ZCRB1: variants seen among roughly 807,000 people sequenced by gnomAD.
ZCRB1 encodes the protein zinc finger CCHC-type and RNA-binding motif-containing protein 1.
ZCRB1 carries 21 observed loss-of-function variants against 29.9 expected under a neutral mutation model. That is an observed-to-expected ratio of 0.70 (90% CI 0.50 to 1.01). The LOEUF is 1.01. Ranked by LOEUF, ZCRB1 falls within the 50% of genes least tolerant of loss-of-function variation. ZCRB1 has a pLI of 0.00. For missense variants in ZCRB1, 204 were observed against 253.3 expected (o/e 0.81, Z 1.32); for synonymous variants, 77 against 80.0 (o/e 0.96, Z 0.20).
At chr12:42,321,564 C>A (rs977291599) in intron 3 of ZCRB1, among the ~76,000 whole-genome samples, 2 of 152,168 alleles carry the variant, frequency 1.3e-5, no homozygotes, top group African/African-American at 4.8e-5. Context: ...TTTTTAAAAT[C>A]TGAACACCCA....
intron 3 of ZCRB1, among the ~76,000 whole-genome samples, chr12:42,322,038 T>C (rs1232627775): frequency 5.9e-5 from 9 of 152,188 alleles, no homozygotes; most frequent in Middle Eastern, 3.4e-3. Flanking sequence ...ACTATTTATA[T>C]GAAAAAAAAC....
At chr12:42,321,811 A>G (rs1261616642) in intron 3 of ZCRB1, among the ~76,000 whole-genome samples, 9 of 152,118 alleles carry the variant, frequency 5.9e-5, no homozygotes, top group Non-Finnish European at 1.2e-4. Flanking sequence ...TTTTTGCCCC[A>G]TAATATAGTT....
At chr12:42,321,231 G>A (rs1283175517) in intron 3 of ZCRB1, among the ~76,000 whole-genome samples, 1 of 152,078 alleles carries the variant, frequency 6.6e-6, no homozygotes, top group East Asian at 1.9e-4. Context: ...CATGGTTTAG[G>A]ACTATATATT....
chr12:42,318,754 G>A (rs781012772), intron 3 of ZCRB1, among the ~76,000 whole-genome samples: 9 of 152,158 alleles, frequency 5.9e-5, no homozygotes, highest in Non-Finnish European at 8.8e-5. Flanking sequence ...GTGCGTGAGC[G>A]AGTGAGAGAG....
intron 5 of ZCRB1, among the ~76,000 whole-genome samples, chr12:42,317,014 C>T (rs1179721929): frequency 6.6e-6 from 1 of 152,020 alleles, no homozygotes; most frequent in African/African-American, 2.4e-5. Flanking sequence ...TGAGATTGGC[C>T]TGGGCAACAT....
intron 5 of ZCRB1, among the ~76,000 whole-genome samples, chr12:42,314,336 G>A (rs901738268): frequency 7.1e-6 from 1 of 140,898 alleles, no homozygotes; most frequent in Non-Finnish European, 1.5e-5. Context: ...GAGGTGGGTG[G>A]ATCACCTGAG....
chr12:42,324,602 A>G (rs1284249784), intron 1 of ZCRB1, among the ~76,000 whole-genome samples: 5 of 152,266 alleles, frequency 3.3e-5, no homozygotes, highest in African/African-American at 9.6e-5. Flanking sequence ...TTAGGAAGTT[A>G]GGAACAATGA....
chr12:42,322,208 GAA>G (rs2068625144), intron 3 of ZCRB1, among the ~76,000 whole-genome samples: 1 of 150,118 alleles, frequency 6.7e-6, no homozygotes, highest in Admixed American at 6.7e-5. Context: ...AAAAAGAAAA[GAA>G]AATTGTATGT....
chr12:42,313,716 T>C lies in ZCRB1; in HGVS notation c.496A>G (p.Ser166Gly). The C allele has an allele frequency of 6.2e-7, 1 of 1,613,968 alleles. No individual in the cohort carries two copies. The highest frequency in any genetic ancestry group is 8.5e-7 in the Non-Finnish European group (1 of 1,179,940). Residue 166 changes from serine to glycine, a missense_variant, in exon 7 of 8, where the codon AGC becomes GGC. Physicochemically the swap from Ser to Gly is moderately conservative, Grantham distance 56. Coordinates refer to ENST00000266529, the MANE Select transcript of ZCRB1 (RefSeq NM_033114.4). ...EDEGEDPALD[S>G]LSQAIAFQQA... Reference sequence around the variant, plus strand: ...TGGAATGCTATGGCCTGACTGAGGCTGTCAAGAGCAGGATCCTCCCCTTCA... The same window carrying C: ...TGGAATGCTATGGCCTGACTGAGGCCGTCAAGAGCAGGATCCTCCCCTTCA...
intron 5 of ZCRB1, among the ~76,000 whole-genome samples, chr12:42,315,522 A>T (rs1316335559): frequency 6.6e-6 from 1 of 152,218 alleles, no homozygotes. Context: ...GCAAAAAAAA[A>T]TTAACATATC....
intron 2 of ZCRB1, among the ~76,000 whole-genome samples, chr12:42,322,889 G>T (rs1671764402): frequency 6.6e-6 from 1 of 152,076 alleles, no homozygotes; most frequent in Non-Finnish European, 1.5e-5. Flanking sequence ...TGTTTGAGAA[G>T]GCAAATCCTT....
chr12:42,320,984 CTTCT>C lies in ZCRB1; in HGVS notation c.113+1430_113+1433del, dbSNP rs776574648. Reference sequence around the variant, plus strand: ...CTCACTCATCTCCAGTCACATTGGCCTTCTTTCTATTTCTTGATCTCACTTTATT... The same window carrying C: ...CTCACTCATCTCCAGTCACATTGGCCTTCTATTTCTTGATCTCACTTTATT... On this transcript the variant is annotated intron_variant, in intron 3 of 7. Coordinates refer to ENST00000266529, the MANE Select transcript of ZCRB1 (RefSeq NM_033114.4). Among the ~76,000 whole-genome samples the C allele has an allele frequency of 5.9e-5, 9 of 152,226 alleles. No individual in the cohort carries two copies. In the South Asian group the frequency reaches 6.2e-4, roughly 11 times the overall value.
rs1176047630 is a variant in ZCRB1, at chr12:42,312,176, AC to A, written c.*890del. On this transcript the variant is annotated 3_prime_UTR_variant, in exon 8 of 8. Transcript: ENST00000266529. ...GTATTAACTTATTTCTATTGCTTTT[AC>A]TAGTTAAAAAAGTAATGGGCATTCT... The A allele has an allele frequency of 1.3e-5, 2 of 152,126 alleles. No individual in the cohort carries two copies. The highest frequency in any genetic ancestry group is 2.9e-5 in the Non-Finnish European group (2 of 68,022). The allele number at this position is 152,126 out of a possible 1,614,324, so 9.4% of individuals were successfully genotyped here. A position where few individuals can be genotyped will look rare whatever the true frequency, so the allele number is the denominator to read the frequency against.
In ZCRB1 at chr12:42,323,965, T is replaced by G. The variant is rs60061084; in HGVS notation, c.84+54A>C. 2.4e-3 allele frequency: 3,450 copies of G among 1,465,230 alleles called. 68 individuals carry two copies. The African/African-American group carries it at 0.043, about 18-fold the overall frequency. 90.8% of individuals were successfully genotyped at this position (1,465,230 alleles called of 1,614,324 possible). On this transcript the variant is annotated intron_variant, in intron 2 of 7. Transcript: ENST00000266529. Reference sequence around the variant, plus strand: ...AAAAGAATTTGCCAGGGAGAACTATTTGCTTAAGGTTATCTGTATCTCAAA... The same window carrying G: ...AAAAGAATTTGCCAGGGAGAACTATGTGCTTAAGGTTATCTGTATCTCAAA...
chr12:42,322,175 G>A (rs2068624905), intron 3 of ZCRB1, among the ~76,000 whole-genome samples: 1 of 152,088 alleles, frequency 6.6e-6, no homozygotes, highest in South Asian at 2.1e-4. Context: ...CACATGGAAA[G>A]ACATTTATGG....
intron 2 of ZCRB1, among the ~76,000 whole-genome samples, chr12:42,323,150 C>G (rs2068629765): frequency 6.6e-6 from 1 of 152,138 alleles, no homozygotes. Context: ...GTATATGCAA[C>G]CAATAATAAC....
Position 42,313,148 on chromosome 12 carries a change from G to T in ZCRB1, c.573C>A (p.Val191=), listed in dbSNP as rs1305759092. The T allele has an allele frequency of 6.2e-7, 1 of 1,612,020 alleles. No individual in the cohort carries two copies. The highest frequency in any genetic ancestry group is 1.3e-5 in the African/African-American group (1 of 74,936). Residue 191 remains valine (V), a synonymous_variant, in exon 8 of 8, where the codon GTC becomes GTA. Coordinates refer to ENST00000266529, the MANE Select transcript of ZCRB1 (RefSeq NM_033114.4). The part of the protein sequence containing the change: ...EQKKWKPSSG[V]PSTSDDSRRP... ...GTCTTGAATCATCTGATGTTGAGGG[G>T]ACTCCTGAACTGGGTTTCCATTTTT...
intron 5 of ZCRB1, among the ~76,000 whole-genome samples, chr12:42,315,933 C>T (rs1330479268): frequency 1.3e-5 from 2 of 152,008 alleles, no homozygotes; most frequent in African/African-American, 4.8e-5. Context: ...ATTTAGTTAT[C>T]TTTTTTGTCG....
intron 3 of ZCRB1, among the ~76,000 whole-genome samples, chr12:42,318,609 C>T (rs539726372): frequency 8.4e-4 from 128 of 152,268 alleles, no homozygotes; most frequent in African/African-American, 2.7e-3. Flanking sequence ...CCTTGCCCAC[C>T]GTATGTCATT....
Sources: gnomAD v4.1 joint callset for allele counts (sites outside exome capture counted in the v4.1 genomes callset) on GRCh38, gnomAD v4.1.1 for gene constraint, MANE v1.5 for transcripts, NCBI Gene and HGNC (gene_info 2026-07-23, HGNC 2026-07-21) for gene names.